Variants in SGK3 observed in about 807,000 individuals in gnomAD.
SGK3 encodes the protein serum/glucocorticoid regulated kinase family member 3.
A neutral mutation model predicts 68.5 loss-of-function variants in SGK3; 47 were observed. The observed-to-expected ratio is 0.69, with a 90% confidence interval of 0.54 to 0.87. SGK3 has a LOEUF of 0.87. Ranked by LOEUF, SGK3 falls within the 40% of genes least tolerant of loss-of-function variation. SGK3 has a pLI of 0.00. For missense variants in SGK3, 479 were observed against 575.5 expected, an observed-to-expected ratio of 0.83 and a Z score of 1.72; for synonymous variants, 181 against 189.1, an observed-to-expected ratio of 0.96 and a Z score of 0.35.
chr8:66,852,277 C>CTTT lies in SGK3; in HGVS notation c.1320+1378_1320+1380dup, dbSNP rs1204346785. ...ATGTTGCTGCAAAACTTAAGGAATCCTTTTTTTTTTTTTTTTTTTTTTTGA... is the reference window on the plus strand; with the variant it reads ...ATGTTGCTGCAAAACTTAAGGAATCCTTTTTTTTTTTTTTTTTTTTTTTTTTGA... On this transcript the variant is annotated intron_variant, in intron 16 of 16. Coordinates refer to ENST00000521198, the MANE Select transcript of SGK3 (RefSeq NM_001033578.3). Among the ~76,000 whole-genome samples, 189 of 107,196 alleles carry CTTT rather than the reference C, an allele frequency of 1.8e-3. 2 individuals carry two copies. The highest frequency in any genetic ancestry group is 3.9e-3 in the African/African-American group (101 of 26,138). 70.3% of individuals were successfully genotyped at this position (107,196 alleles called of 152,430 possible). A position where few individuals can be genotyped will look rare whatever the true frequency, so the allele number is the denominator to read the frequency against.
intron 1 of SGK3, among the ~76,000 whole-genome samples, chr8:66,782,785 C>A (rs969685340): frequency 6.6e-6 from 1 of 152,164 alleles, no homozygotes; most frequent in African/African-American, 2.4e-5. Context: ...TAAGGTTTCT[C>A]CATGTCTTGT....
intron 1 of SGK3, among the ~76,000 whole-genome samples, chr8:66,744,500 TATATATATATATA>T (rs1805574694): frequency 7.7e-5 from 2 of 26,136 alleles, no homozygotes; most frequent in African/African-American, 2.8e-4. Flanking sequence ...TATATATATA[TATATATATATATA>T]TATATATTTT....
intron 1 of SGK3, among the ~76,000 whole-genome samples, chr8:66,729,313 A>G (rs1179346479): frequency 5.2e-4 from 61 of 117,820 alleles, no homozygotes; most frequent in Middle Eastern, 6.6e-3. Context: ...AAAATTAGCC[A>G]GGCGTGGTGG....
chr8:66,814,983 C>T (rs533107729), intron 5 of SGK3, among the ~76,000 whole-genome samples: 2 of 152,304 alleles, frequency 1.3e-5, no homozygotes, highest in East Asian at 3.9e-4. Context: ...AGCTTTTCTG[C>T]AGCTCACCTA....
intron 4 of SGK3, among the ~76,000 whole-genome samples, chr8:66,805,168 A>T (rs1394335004): frequency 6.6e-6 from 1 of 152,168 alleles, no homozygotes; most frequent in Non-Finnish European, 1.5e-5. Flanking sequence ...TTGTATTCAG[A>T]AACATTAAAT....
At chr8:66,830,458 G>A (rs1809259039) in intron 7 of SGK3, among the ~76,000 whole-genome samples, 1 of 152,166 alleles carries the variant, frequency 6.6e-6, no homozygotes, top group Non-Finnish European at 1.5e-5. Context: ...ATTTTTTGAT[G>A]ATTAAGCAAA....
intron 1 of SGK3, among the ~76,000 whole-genome samples, chr8:66,735,926 A>G (rs1422707480): frequency 6.6e-6 from 1 of 152,276 alleles, no homozygotes; most frequent in Non-Finnish European, 1.5e-5. Context: ...TATGAAAAAC[A>G]GAATACTGTC....
chr8:66,772,560 A>ATT (rs1251463218), intron 1 of SGK3, among the ~76,000 whole-genome samples: 34 of 124,138 alleles, frequency 2.7e-4, no homozygotes, highest in South Asian at 5.3e-4. Context: ...ACACCTGGCT[A>ATT]TTTTTTTTTT....
intron 1 of SGK3, among the ~76,000 whole-genome samples, chr8:66,733,574 A>G (rs1194331432): frequency 6.6e-6 from 1 of 152,206 alleles, no homozygotes; most frequent in Non-Finnish European, 1.5e-5. Flanking sequence ...TCTGTTCATC[A>G]TATTTAATAG....
intron 1 of SGK3, among the ~76,000 whole-genome samples, chr8:66,791,890 A>G (rs1807472753): frequency 6.6e-6 from 1 of 152,236 alleles, no homozygotes; most frequent in Non-Finnish European, 1.5e-5. Context: ...GGCTCTGGTC[A>G]GGTGCTTCCC....
chr8:66,831,070 A>C (rs958971753), intron 7 of SGK3, among the ~76,000 whole-genome samples, 184 bp from the exon 8 acceptor site: 12 of 152,216 alleles, frequency 7.9e-5, no homozygotes, highest in African/African-American at 2.9e-4. Context: ...CAGAAAGTAG[A>C]TATTACTATA....
intron 5 of SGK3, among the ~76,000 whole-genome samples, chr8:66,819,528 C>G (rs370072759): frequency 7.0e-4 from 107 of 152,220 alleles, no homozygotes; most frequent in African/African-American, 2.4e-3. Context: ...TATCATGTAT[C>G]TATCAAAAGT....
chr8:66,787,759 T>G (rs752295535), intron 1 of SGK3, among the ~76,000 whole-genome samples: 3 of 152,246 alleles, frequency 2.0e-5, no homozygotes, highest in Non-Finnish European at 4.4e-5. Context: ...TATGTTCACA[T>G]TCTGTGCTGT....
chr8:66,821,535 C>T (rs1348370144), intron 5 of SGK3, among the ~76,000 whole-genome samples: 2 of 150,862 alleles, frequency 1.3e-5, no homozygotes, highest in Admixed American at 1.3e-4. Flanking sequence ...TTTTTTGAGA[C>T]AGAGTCTCGC....
chr8:66,738,615 G>C (rs1805391093), intron 1 of SGK3, among the ~76,000 whole-genome samples: 1 of 151,112 alleles, frequency 6.6e-6, no homozygotes, highest in Non-Finnish European at 1.5e-5. Flanking sequence ...AGGCAGAACT[G>C]GCTCAAGATC....
At chr8:66,734,712 T>C (rs940971790) in intron 1 of SGK3, among the ~76,000 whole-genome samples, 1 of 152,098 alleles carries the variant, frequency 6.6e-6, no homozygotes, top group Non-Finnish European at 1.5e-5. Context: ...TTTGGGAGGC[T>C]GAGGTGGGCA....
intron 1 of SGK3, among the ~76,000 whole-genome samples, chr8:66,786,812 C>T (rs1023439143): frequency 2.0e-5 from 3 of 151,788 alleles, no homozygotes; most frequent in African/African-American, 7.3e-5. Flanking sequence ...TGTCCCTTCT[C>T]TGTACCCTCT....
chr8:66,798,391 C>G, intron 2 of SGK3, 151 bp from the exon 3 acceptor site: 1 of 531,652 alleles, frequency 1.9e-6, no homozygotes, highest in Non-Finnish European at 3.3e-6. Flanking sequence ...ATGTTAATAT[C>G]AGTTTCGGAA....
intron 5 of SGK3, among the ~76,000 whole-genome samples, chr8:66,815,798 T>A (rs549125534): frequency 2.6e-5 from 4 of 152,212 alleles, no homozygotes; most frequent in African/African-American, 9.7e-5. Flanking sequence ...ATTATAAAGA[T>A]GTTATATTTG....
Sources: gnomAD v4.1 joint callset for allele counts (sites outside exome capture counted in the v4.1 genomes callset) on GRCh38, gnomAD v4.1.1 for gene constraint, MANE v1.5 for transcripts, NCBI Gene and HGNC (gene_info 2026-07-23, HGNC 2026-07-21) for gene names.